The following GAS6 variants were observed in gnomAD, a reference collection of about 807,000 sequenced individuals.
The protein encoded by GAS6 is growth arrest specific 6.
A neutral mutation model predicts 75.8 loss-of-function variants in GAS6; 41 were observed. The observed-to-expected ratio is 0.54, with a 90% confidence interval of 0.42 to 0.70. GAS6 has a LOEUF of 0.70. Among genes scored for constraint, GAS6 ranks in the 30% least tolerant of loss-of-function variants. The probability of loss-of-function intolerance (pLI) is 0.00; values close to 1 mark genes in which losing one functional copy is unlikely to be tolerated. For synonymous variants in GAS6, 432 were observed against 412.6 expected (o/e 1.05, Z -0.57); for missense variants, 854 against 940.2 (o/e 0.91, Z 1.20).
chr13:113,857,332 C>G (rs1279319522), intron 2 of GAS6, among the ~76,000 whole-genome samples: 1 of 152,070 alleles, frequency 6.6e-6, no homozygotes, highest in African/African-American at 2.4e-5. Context: ...TTAACTTATT[C>G]CACTTCCAGC....
chr13:113,834,821 C>CA (rs1438566596), intron 7 of GAS6, 149 bp from the exon 8 acceptor site: 3 of 811,474 alleles, frequency 3.7e-6, no homozygotes, highest in Admixed American at 7.0e-5. Context: ...GGTCGCGTCC[C>CA]CCCCCACTGG....
At position 113,859,845 on chromosome 13, in the gene GAS6, C is replaced by T. The variant is rs779375646; in HGVS notation, c.255+3730G>A. ...GGCCATCACCTTCCCCACCAGGCGC[C>T]CCCACATTGTACAGCCCTCCCCTCC... On this transcript the variant is annotated intron_variant, in intron 2 of 14. Transcript: ENST00000327773. 3.4e-4 allele frequency among the ~76,000 whole-genome samples: 52 copies of T among 152,106 alleles called. 1 individual carries two copies. The highest frequency in any genetic ancestry group is 5.6e-4 in the Non-Finnish European group (38 of 67,998).
At chr13:113,825,418 T>C (rs915615918) in intron 12 of GAS6, among the ~76,000 whole-genome samples, 1 of 152,068 alleles carries the variant, frequency 6.6e-6, no homozygotes, top group African/African-American at 2.4e-5. Flanking sequence ...GCAGAGTCGC[T>C]GCAGAGTGAG....
chr13:113,854,675 A>C (rs1200134687), intron 2 of GAS6, among the ~76,000 whole-genome samples: 1 of 152,266 alleles, frequency 6.6e-6, no homozygotes, highest in Non-Finnish European at 1.5e-5. Context: ...CTTTCAGGGC[A>C]AGCCCCACCG....
chr13:113,838,007 C>T lies in GAS6; in HGVS notation c.589+62G>A, dbSNP rs959876164. 3 of 1,595,076 alleles carry T rather than the reference C, an allele frequency of 1.9e-6. No individual in the cohort carries two copies. The African/African-American group carries it at 4.0e-5, about 21-fold the overall frequency. ...CAGCAGCCGCTTGCAGAAGAGCAGA[C>T]ATGACCGAAAATAGAAGGTGGGGAG... is the stretch of plus-strand genomic sequence containing the variant. On this transcript the variant is annotated intron_variant, in intron 6 of 14. Transcript: ENST00000327773.
In GAS6 at chr13:113,863,801, C is replaced by T. The variant is rs2051993865; in HGVS notation, c.88+32G>A. On this transcript the variant is annotated intron_variant, in intron 1 of 14. Coordinates refer to ENST00000327773, the MANE Select transcript of GAS6 (RefSeq NM_000820.4). This position sits in a 1 kb window ranked among gnomAD's most constrained non-coding sequence, Gnocchi z 9.4. ...GCGCCCGGAGCCTCCTCCCGCCGCC[C>T]GGGGACGGGGTCTCGGGCCCGCGGG... is the stretch of plus-strand genomic sequence containing the variant. 6 of 1,390,710 alleles carry T rather than the reference C, an allele frequency of 4.3e-6. No homozygotes were observed. The highest frequency in any genetic ancestry group is 7.6e-5 in the Admixed American group (2 of 26,432). 86.1% of individuals were successfully genotyped at this position (1,390,710 alleles called of 1,614,324 possible).
intron 2 of GAS6, among the ~76,000 whole-genome samples, chr13:113,860,070 C>T (rs746516517): frequency 8.5e-5 from 13 of 152,212 alleles, no homozygotes; most frequent in Non-Finnish European, 1.8e-4. Context: ...AGTTTGAAAA[C>T]GGATGCACCA....
At chr13:113,849,125 T>A (rs2051855735) in intron 2 of GAS6, among the ~76,000 whole-genome samples, 1 of 152,176 alleles carries the variant, frequency 6.6e-6, no homozygotes, top group African/African-American at 2.4e-5. Flanking sequence ...AACACCCTCC[T>A]GAGGCCTGCT....
intron 12 of GAS6, among the ~76,000 whole-genome samples, chr13:113,823,996 G>GT (rs2051496583): frequency 6.6e-6 from 1 of 152,234 alleles, no homozygotes; most frequent in Non-Finnish European, 1.5e-5. Context: ...GGGGCTGAGA[G>GT]TTTAAGATAG....
intron 12 of GAS6, 144 bp downstream of exon 12, chr13:113,826,852 A>ACC (rs2051555510): frequency 3.6e-5 from 2 of 55,496 alleles, no homozygotes; most frequent in Non-Finnish European, 7.6e-5. Context: ...ACCTCCGCCC[A>ACC]CCCCGCCCAC....
chr13:113,861,389 G>T (rs1168268105), intron 2 of GAS6, among the ~76,000 whole-genome samples: 2 of 152,194 alleles, frequency 1.3e-5, no homozygotes, highest in African/African-American at 4.8e-5. Context: ...GGGACCCAAG[G>T]ATGCTCTGAC....
At chr13:113,832,861 G>A (rs766280662) in intron 8 of GAS6, 109 bp from the exon 9 acceptor site, 3 of 1,565,454 alleles carry the variant, frequency 1.9e-6, no homozygotes, top group Non-Finnish European at 2.6e-6. Flanking sequence ...TGTGCCTCGG[G>A]AGTGGCCACC....
At chr13:113,856,853 C>A (rs2051919374) in intron 2 of GAS6, among the ~76,000 whole-genome samples, 1 of 152,216 alleles carries the variant, frequency 6.6e-6, no homozygotes, top group Non-Finnish European at 1.5e-5. Context: ...CAGGGACGGT[C>A]AACTTAGCAA....
chr13:113,826,411 G>A lies in GAS6; in HGVS notation c.1477+585C>T, dbSNP rs562177248. On this transcript the variant is annotated intron_variant, in intron 12 of 14. Transcript: ENST00000327773. ...GCCTCGCAGGCACCTTCTCTCCCCG[G>A]CCTCCCGGCGCTGGCCTCGCAGGCA... Among the ~76,000 whole-genome samples, 58 of 140,460 alleles carry A rather than the reference G, an allele frequency of 4.1e-4. 1 individual carries two copies. The highest frequency in any genetic ancestry group is 1.5e-3 in the African/African-American group (58 of 37,578). The allele number at this position is 140,460 out of a possible 152,430, so 92.1% of individuals were successfully genotyped here. A position where few individuals can be genotyped will look rare whatever the true frequency, so the allele number is the denominator to read the frequency against.
chr13:113,837,708 C>T lies in GAS6; in HGVS notation c.589+361G>A, dbSNP rs892870780. Among the ~76,000 whole-genome samples the T allele has an allele frequency of 4.6e-5, 7 of 151,990 alleles. No homozygotes were observed. The highest frequency in any genetic ancestry group is 2.1e-4 in the South Asian group (1 of 4,822). ...TGGGGATGCTGGGGAGAGTGGACGG[C>T]GGGGGGACCCTAGCCTGGAGCCCTG... On this transcript the variant is annotated intron_variant, in intron 6 of 14. Transcript: ENST00000327773. The surrounding 1 kb of genome is among the most constrained non-coding windows in gnomAD (Gnocchi z 5.1).
chr13:113,840,272 A>C, intron 4 of GAS6: 2 of 189,526 alleles, frequency 1.1e-5, no homozygotes, highest in East Asian at 1.8e-4. Context: ...TCTCTGGTGA[A>C]CTCTCCCTGC....
At chr13:113,840,696 A>C (rs1475089261) in intron 4 of GAS6, 1 of 152,254 alleles carries the variant, frequency 6.6e-6, no homozygotes, top group African/African-American at 2.4e-5. Context: ...TTACACCCGG[A>C]GCTCAAAGAA....
chr13:113,853,748 G>A (rs372902016), intron 2 of GAS6, among the ~76,000 whole-genome samples: 21 of 152,156 alleles, frequency 1.4e-4, no homozygotes, highest in African/African-American at 4.1e-4. Context: ...TCAGAGTAAC[G>A]CCCACAGGAA....
chr13:113,859,520 TTATG>T (rs2051953323), intron 2 of GAS6, among the ~76,000 whole-genome samples: 1 of 151,010 alleles, frequency 6.6e-6, no homozygotes, highest in Admixed American at 6.6e-5. Flanking sequence ...GTGTGCCTGT[TTATG>T]TGTGTGCATG....
Sources: allele counts gnomAD v4.1 joint callset (sites outside exome capture counted in the v4.1 genomes callset), GRCh38; gene constraint gnomAD v4.1.1; non-coding constraint Gnocchi (gnomAD v3.1); transcripts MANE v1.5; gene names NCBI Gene and HGNC (gene_info 2026-07-23, HGNC 2026-07-21).